ATP2B2: variants seen among roughly 807,000 people sequenced by gnomAD.
ATP2B2 encodes the protein plasma membrane calcium-transporting ATPase 2.
In ATP2B2, 15 loss-of-function variants were observed where a neutral mutation model predicts 120.0. The observed-to-expected ratio is 0.12, with a 90% CI of 0.08 to 0.19. The LOEUF is 0.19. Among genes scored for constraint, ATP2B2 ranks in the 10% least tolerant of loss-of-function variants. The pLI, the probability that ATP2B2 is intolerant of heterozygous loss-of-function variation, is 1.00. For missense variants in ATP2B2, 1,045 were observed against 1,719.8 expected (o/e 0.61, Z 6.94); for synonymous variants, 694 against 700.3 (o/e 0.99, Z 0.14).
At chr3:10,636,079 G>A (rs964655726) in intron 1 of ATP2B2, among the ~76,000 whole-genome samples, 1 of 152,206 alleles carries the variant, frequency 6.6e-6, no homozygotes, top group Non-Finnish European at 1.5e-5. Flanking sequence ...TCTGCCTGCC[G>A]ACCCCACAGG....
chr3:10,354,398 C>A (rs936812160), intron 14 of ATP2B2, among the ~76,000 whole-genome samples: 1 of 152,220 alleles, frequency 6.6e-6, no homozygotes, highest in African/African-American at 2.4e-5. Context: ...AAAATGACTT[C>A]TCTCGCTAAA....
chr3:10,633,958 C>T (rs921499418), intron 1 of ATP2B2, among the ~76,000 whole-genome samples: 5 of 152,176 alleles, frequency 3.3e-5, no homozygotes, highest in African/African-American at 7.2e-5. Flanking sequence ...TTAAGACTTC[C>T]GCTCAAAGGA....
intron 1 of ATP2B2, among the ~76,000 whole-genome samples, chr3:10,500,364 A>T (rs1329429364): frequency 6.6e-6 from 1 of 152,052 alleles, no homozygotes; most frequent in Non-Finnish European, 1.5e-5. Context: ...AATCTTAGTG[A>T]CTGCAGTGGG....
At position 10,328,713 on chromosome 3, in the gene ATP2B2, G is replaced by T. The variant is rs551136508; in HGVS notation, c.*101C>A. 3.2e-6 allele frequency: 4 copies of T among 1,254,170 alleles called. No homozygotes were observed. Among genetic ancestry groups the T allele is most frequent in the African/African-American group, 1.5e-5 (1 of 65,848 alleles). 77.7% of individuals were successfully genotyped at this position (1,254,170 alleles called of 1,614,324 possible). Reference sequence around the variant, plus strand: ...AGTATTTGGTTTCCGATTGTTGCTCGTTGCTGCTTGGGTGAGTTGGGTGCC... The same window carrying T: ...AGTATTTGGTTTCCGATTGTTGCTCTTTGCTGCTTGGGTGAGTTGGGTGCC... On this transcript the variant is annotated 3_prime_UTR_variant, in exon 23 of 23. Transcript: ENST00000360273.
chr3:10,599,294 C>T (rs1239238412), intron 2 of ATP2B2, among the ~76,000 whole-genome samples: 2 of 152,204 alleles, frequency 1.3e-5, no homozygotes, highest in African/African-American at 4.8e-5. Context: ...GTTTCCACTG[C>T]TTCTCGCCAT....
intron 2 of ATP2B2, among the ~76,000 whole-genome samples, chr3:10,411,719 C>G (rs2062618090): frequency 6.6e-6 from 1 of 152,210 alleles, no homozygotes. Flanking sequence ...TGGAACAGAG[C>G]AGCTCACCAG....
chr3:10,589,167 C>G (rs973081002), intron 2 of ATP2B2, among the ~76,000 whole-genome samples: 8 of 152,152 alleles, frequency 5.3e-5, no homozygotes, highest in Admixed American at 2.0e-4. Context: ...AACACATGGC[C>G]TGGTCCTCCT....
chr3:10,703,304 T>C (rs1231542651), intron 1 of ATP2B2, among the ~76,000 whole-genome samples: 1 of 152,210 alleles, frequency 6.6e-6, no homozygotes, highest in East Asian at 1.9e-4. Flanking sequence ...TTGTCCTGGC[T>C]GTGCCCTCTG....
At chr3:10,449,977 C>CGA in intron 1 of ATP2B2, 115 bp from the exon 2 acceptor site, 1 of 314,846 alleles carries the variant, frequency 3.2e-6, no homozygotes, top group South Asian at 2.9e-5. Context: ...CTGACTACAC[C>CGA]CATGCCCCCT....
intron 2 of ATP2B2, among the ~76,000 whole-genome samples, chr3:10,443,924 T>C (rs1027752035): frequency 2.0e-5 from 3 of 152,208 alleles, no homozygotes; most frequent in African/African-American, 7.2e-5. Context: ...AGACTAAGTA[T>C]CTTGCCTGAG....
chr3:10,367,879 T>C (rs947753282), intron 12 of ATP2B2, among the ~76,000 whole-genome samples: 1 of 152,204 alleles, frequency 6.6e-6, no homozygotes, highest in Non-Finnish European at 1.5e-5. Context: ...TTAGCAATAA[T>C]GATATGCTCA....
chr3:10,657,472 G>T (rs1020027966), intron 1 of ATP2B2, among the ~76,000 whole-genome samples: 1 of 152,226 alleles, frequency 6.6e-6, no homozygotes, highest in African/African-American at 2.4e-5. Flanking sequence ...GCATGCCTCA[G>T]CTACCACCAG....
chr3:10,420,675 T>C (rs2062947241), intron 2 of ATP2B2, among the ~76,000 whole-genome samples: 1 of 152,234 alleles, frequency 6.6e-6, no homozygotes, highest in South Asian at 2.1e-4. Context: ...GCCTTGGTTT[T>C]TTCACGTGCA....
chr3:10,551,306 G>A (rs2067664841), intron 2 of ATP2B2, among the ~76,000 whole-genome samples: 1 of 152,242 alleles, frequency 6.6e-6, no homozygotes. Flanking sequence ...CTGCAGTGAA[G>A]CAGGTAGTAT....
intron 1 of ATP2B2, among the ~76,000 whole-genome samples, chr3:10,468,018 G>C (rs1448245925): frequency 6.6e-6 from 1 of 152,218 alleles, no homozygotes; most frequent in Non-Finnish European, 1.5e-5. Flanking sequence ...GAGTCCCAAG[G>C]CTGTGCACAT....
intron 2 of ATP2B2, among the ~76,000 whole-genome samples, chr3:10,590,983 G>A (rs1392206668): frequency 6.6e-6 from 1 of 151,960 alleles, no homozygotes; most frequent in African/African-American, 2.4e-5. Context: ...TCTTGTCCCC[G>A]TGCCCTGTCC....
At position 10,410,746 on chromosome 3, in the gene ATP2B2, T is replaced by C; in HGVS notation, c.269A>G (p.Lys90Arg). The change falls in exon 3 of 23, where the codon AAG (lysine) becomes AGG (arginine). Residue 90 changes from lysine (K) to arginine (R), a missense_variant. By Grantham distance (26) the Lys-to-Arg change is conservative. This residue lies in a region of ATP2B2 where 139 missense variants were observed against 134.2 expected (regional missense o/e 1.04). Transcript: ENST00000360273. The stretch of plus-strand genomic sequence containing the variant: ...GAGCTGCAGGAAGGTTTTTGGCTTC[T>C]TTGGAGGTATAAAGTTTTGCCCAAA... Reference protein sequence around the residue: ...QIFGQNFIPPKKPKTFLQLVW... With the variant: ...QIFGQNFIPPRKPKTFLQLVW... 1.2e-6 allele frequency: 2 copies of C among 1,614,220 alleles called. No homozygotes were observed. The highest frequency in any genetic ancestry group is 1.7e-6 in the Non-Finnish European group (2 of 1,180,044).
intron 1 of ATP2B2, among the ~76,000 whole-genome samples, chr3:10,661,523 C>G (rs546241577): frequency 2.0e-5 from 3 of 152,262 alleles, no homozygotes; most frequent in Middle Eastern, 3.4e-3. Context: ...AATGAAATAC[C>G]TAGGAATCCA....
At chr3:10,554,977 C>T (rs1054210581) in intron 2 of ATP2B2, among the ~76,000 whole-genome samples, 5 of 152,140 alleles carry the variant, frequency 3.3e-5, no homozygotes, top group Non-Finnish European at 5.9e-5. Flanking sequence ...CTGATCAGGA[C>T]CCCAGACCCC....
Sources: gnomAD v4.1 joint callset for allele counts (sites outside exome capture counted in the v4.1 genomes callset) on GRCh38, gnomAD v4.1.1 for gene constraint, gnomAD v4.1.1 regional missense constraint, MANE v1.5 for transcripts, NCBI Gene and HGNC (gene_info 2026-07-23, HGNC 2026-07-21) for gene names.